Variants in C6orf52 observed in about 807,000 individuals in gnomAD.
C6orf52 encodes putative uncharacterized protein C6orf52.
A neutral mutation model predicts 16.6 loss-of-function variants in C6orf52; 16 were observed. The ratio of observed to expected loss-of-function variants is 0.96; its 90% CI spans 0.65 to 1.46. The LOEUF is 1.46. Among genes scored for constraint, C6orf52 ranks in the 40% most tolerant of loss-of-function variants. C6orf52 has a pLI of 0.00. For synonymous variants in C6orf52, 53 were observed against 61.4 expected (o/e 0.86, Z 0.64); for missense variants, 166 against 182.3 (o/e 0.91, Z 0.52).
At chr6:10,678,533 T>G (rs1581540048) in intron 4 of C6orf52, among the ~76,000 whole-genome samples, 1 of 152,274 alleles carries the variant, frequency 6.6e-6, no homozygotes, top group African/African-American at 2.4e-5. Context: ...GTCTGTAGGG[T>G]TTTCTCTACA....
intron 4 of C6orf52, chr6:10,674,538 T>C (rs1382732627): frequency 1.3e-5 from 2 of 152,178 alleles, no homozygotes; most frequent in African/African-American, 2.4e-5. Flanking sequence ...TATATATTCA[T>C]TGTGGAATGA....
At chr6:10,684,916 G>A (rs953352236) in intron 3 of C6orf52, 20 of 1,284,844 alleles carry the variant, frequency 1.6e-5, no homozygotes, top group Non-Finnish European at 1.9e-5. Flanking sequence ...AGATGGCACA[G>A]GGGGTCACTA....
chr6:10,671,576 A>G lies in C6orf52; in HGVS notation c.339T>C (p.Ile113=). 1.3e-6 allele frequency: 2 copies of G among 1,545,086 alleles called. No homozygotes were observed. Among genetic ancestry groups the G allele is most frequent in the South Asian group, 2.4e-5 (2 of 82,464 alleles). The change falls in exon 5 of 5, where the codon ATT becomes ATC. Residue 113 remains isoleucine (I), a synonymous_variant. Coordinates refer to ENST00000259983, the MANE Select transcript of C6orf52 (RefSeq NM_001145020.3). The part of the protein sequence containing the change: ...PLEDPHLHLN[I]EESNQEFMVK... ...CCATAAACTCTTGGTTTGATTCCTC[A>G]ATATTCAAATGAAGATGTGGATCTG...
intron 1 of C6orf52, among the ~76,000 whole-genome samples, 199 bp downstream of exon 1, chr6:10,694,295 C>T (rs995657928): frequency 6.6e-6 from 1 of 151,316 alleles, no homozygotes; most frequent in African/African-American, 2.4e-5. Flanking sequence ...GCTCACTGCT[C>T]CCTCCCCAGG....
In C6orf52 at chr6:10,685,598, C is replaced by A. The variant is rs550233399; in HGVS notation, c.270+1368G>T. Among the ~76,000 whole-genome samples, 15 of 152,264 alleles carry A rather than the reference C, an allele frequency of 9.9e-5. No individual in the cohort carries two copies. The South Asian group carries it at 3.1e-3, about 32-fold the overall frequency. ...GGAGACAAGCTGGGGTGGGGGAAGT[C>A]CGTAACATTTAGACTCCAAAGTGTT... On this transcript the variant is annotated intron_variant, in intron 3 of 4. Transcript: ENST00000259983.
At chr6:10,687,931 G>C (rs572214194) in intron 1 of C6orf52, among the ~76,000 whole-genome samples, 2 of 152,152 alleles carry the variant, frequency 1.3e-5, no homozygotes, top group Non-Finnish European at 1.5e-5. Flanking sequence ...ACCATAACAG[G>C]TAAAAGAGGA....
At chr6:10,684,605 T>G (rs936074065) in intron 3 of C6orf52, among the ~76,000 whole-genome samples, 2 of 152,200 alleles carry the variant, frequency 1.3e-5, no homozygotes, top group African/African-American at 2.4e-5. Context: ...TGGGAAGGTG[T>G]GCTGATGGAC....
At chr6:10,694,714 A>T (rs764457018), upstream of C6orf52, 4 of 361,126 alleles carry the variant, frequency 1.1e-5, no homozygotes, top group African/African-American at 2.1e-5. Context: ...TTCCTGAGAT[A>T]TGCCTGCTTG....
intron 1 of C6orf52, among the ~76,000 whole-genome samples, 126 bp downstream of exon 1, chr6:10,694,342 AGACAAGCAGACAGAGAAAGTGTGCAG>A (rs1769658925): frequency 6.6e-6 from 1 of 151,878 alleles, no homozygotes; most frequent in Non-Finnish European, 1.5e-5. Context: ...CCCCAGAGTT[AGACAAGCAGACAGAGAAAGTGTGCAG>A]GGCTGGGGTT....
chr6:10,689,234 G>T (rs564901715), intron 1 of C6orf52, among the ~76,000 whole-genome samples: 1 of 152,350 alleles, frequency 6.6e-6, no homozygotes, highest in East Asian at 1.9e-4. Context: ...GCCTCCCAAA[G>T]TTCTGGGATT....
chr6:10,685,721 T>C (rs1315420334), intron 3 of C6orf52, among the ~76,000 whole-genome samples: 8 of 152,148 alleles, frequency 5.3e-5, no homozygotes, highest in East Asian at 3.8e-4. Context: ...AGAACACAGA[T>C]AGCAATAAAC....
intron 4 of C6orf52, among the ~76,000 whole-genome samples, chr6:10,681,229 A>G (rs955174914): frequency 2.0e-5 from 3 of 152,036 alleles, no homozygotes; most frequent in African/African-American, 4.8e-5. Context: ...CATTTCTTCT[A>G]TGTTATCCAA....
At chr6:10,693,577 G>C (rs1412426576) in intron 1 of C6orf52, among the ~76,000 whole-genome samples, 4 of 152,206 alleles carry the variant, frequency 2.6e-5, no homozygotes, top group African/African-American at 9.6e-5. Context: ...AATGGAGGCT[G>C]AAGATTTGAG....
intron 4 of C6orf52, among the ~76,000 whole-genome samples, chr6:10,674,236 A>G (rs1220634334): frequency 2.0e-5 from 3 of 152,108 alleles, no homozygotes; most frequent in Non-Finnish European, 2.9e-5. Context: ...AATCCTAATC[A>G]TCTCCCTAAA....
chr6:10,681,851 C>A (rs1272261529), intron 4 of C6orf52, among the ~76,000 whole-genome samples: 1 of 152,226 alleles, frequency 6.6e-6, no homozygotes, highest in Non-Finnish European at 1.5e-5. Flanking sequence ...GAACCTCCAA[C>A]CTGCCCAAGT....
chr6:10,687,871 G>A (rs1768991611), intron 1 of C6orf52, among the ~76,000 whole-genome samples: 1 of 152,122 alleles, frequency 6.6e-6, no homozygotes, highest in African/African-American at 2.4e-5. Flanking sequence ...AGGGACAGAA[G>A]GGGTAGGTAT....
At chr6:10,694,281 G>GAAAAAA (rs1769644187) in intron 1 of C6orf52, among the ~76,000 whole-genome samples, 2 of 135,674 alleles carry the variant, frequency 1.5e-5, no homozygotes, top group South Asian at 2.2e-4. Flanking sequence ...AAAAAAAAAT[G>GAAAAAA]AAGGCTCACT....
chr6:10,679,865 T>C (rs1263630012), intron 4 of C6orf52, among the ~76,000 whole-genome samples: 1 of 152,228 alleles, frequency 6.6e-6, no homozygotes, highest in Non-Finnish European at 1.5e-5. Context: ...ATATGGACTC[T>C]ATTGTATTGA....
At chr6:10,686,884 C>T in intron 3 of C6orf52, 82 bp downstream of exon 3, 1 of 1,044,324 alleles carries the variant, frequency 9.6e-7, no homozygotes, top group South Asian at 1.7e-5. Context: ...GATGACAGGA[C>T]ACAGATGTGT....
Sources: allele counts gnomAD v4.1 joint callset (sites outside exome capture counted in the v4.1 genomes callset), GRCh38; gene constraint gnomAD v4.1.1; transcripts MANE v1.5; gene names NCBI Gene and HGNC (gene_info 2026-07-23, HGNC 2026-07-21).